ATF6: variants seen among roughly 807,000 people sequenced by gnomAD.
ATF6 encodes cyclic AMP-dependent transcription factor ATF-6 alpha.
A neutral mutation model predicts 83.6 loss-of-function variants in ATF6; 53 were observed. The ratio of observed to expected loss-of-function variants is 0.63; its 90% CI spans 0.51 to 0.80. The LOEUF (loss-of-function observed/expected upper bound fraction) is 0.80. Among genes scored for constraint, ATF6 ranks in the 30% least tolerant of loss-of-function variants. The pLI is 0.00. For synonymous variants in ATF6, 288 were observed against 285.8 expected (o/e 1.01, Z -0.08); for missense variants, 744 against 797.9 (o/e 0.93, Z 0.81).
At chr1:161,935,535 A>G (rs1037153175) in intron 15 of ATF6, among the ~76,000 whole-genome samples, 1 of 152,200 alleles carries the variant, frequency 6.6e-6, no homozygotes, top group African/African-American at 2.4e-5. Flanking sequence ...GGTTTTTATA[A>G]GCCATCCTGT....
At chr1:161,884,678 C>G (rs1687384483) in intron 14 of ATF6, among the ~76,000 whole-genome samples, 1 of 152,116 alleles carries the variant, frequency 6.6e-6, no homozygotes, top group Non-Finnish European at 1.5e-5. Context: ...GCAAAGCAAA[C>G]AAGCCCTTGC....
At chr1:161,848,951 A>G (rs1183485831) in intron 10 of ATF6, among the ~76,000 whole-genome samples, 1 of 151,198 alleles carries the variant, frequency 6.6e-6, no homozygotes, top group Non-Finnish European at 1.5e-5. Context: ...TTTTTTTCCA[A>G]AGAATATTTT....
At chr1:161,782,515 T>G (rs1326128518) in intron 3 of ATF6, among the ~76,000 whole-genome samples, 1 of 152,184 alleles carries the variant, frequency 6.6e-6, no homozygotes, top group Non-Finnish European at 1.5e-5. Context: ...GATGGTAGAA[T>G]GAAGAAAAAT....
chr1:161,899,846 G>A (rs1333278906), intron 14 of ATF6, among the ~76,000 whole-genome samples: 2 of 151,962 alleles, frequency 1.3e-5, no homozygotes, highest in Admixed American at 6.6e-5. Flanking sequence ...TTAGGCACCC[G>A]TCCAGAGTTG....
chr1:161,771,211 C>T (rs1684381746), intron 1 of ATF6, among the ~76,000 whole-genome samples: 1 of 151,462 alleles, frequency 6.6e-6, no homozygotes, highest in Admixed American at 6.6e-5. Flanking sequence ...TTCTTCCCTC[C>T]TCCTCCTCCT....
chr1:161,851,339 T>A (rs1335626222), intron 10 of ATF6, among the ~76,000 whole-genome samples: 2 of 152,092 alleles, frequency 1.3e-5, no homozygotes, highest in African/African-American at 4.8e-5. Flanking sequence ...ACCCCTAAAC[T>A]TTAGTCTGGT....
intron 7 of ATF6, among the ~76,000 whole-genome samples, chr1:161,807,863 ATCTTT>A (rs1685333925): frequency 9.1e-5 from 5 of 54,788 alleles, no homozygotes; most frequent in African/African-American, 3.3e-4. Flanking sequence ...TTAGTTTGTC[ATCTTT>A]TTTTTTTTTT....
intron 6 of ATF6, among the ~76,000 whole-genome samples, chr1:161,794,462 T>G (rs75309567): frequency 0.12 from 18,471 of 152,134 alleles, 1,673 homozygotes; most frequent in East Asian, 0.31. Flanking sequence ...TTTAGTTTTT[T>G]GTTTTTTTGT....
chr1:161,858,758 C>A (rs1480989993), intron 12 of ATF6, among the ~76,000 whole-genome samples: 2 of 152,138 alleles, frequency 1.3e-5, no homozygotes. Context: ...GCTGAAAATG[C>A]AAAAGCTCAT....
chr1:161,777,883 A>G (rs16844014), intron 1 of ATF6, among the ~76,000 whole-genome samples: 18,414 of 152,076 alleles, frequency 0.12, 1,633 homozygotes, highest in East Asian at 0.31. Context: ...TCTACTTTCC[A>G]CAGTTGTCTC....
rs953218102 is a variant in ATF6, at chr1:161,961,632, A to C, written c.*2978A>C. On this transcript the variant is annotated 3_prime_UTR_variant, in exon 16 of 16. Coordinates refer to ENST00000367942, the MANE Select transcript of ATF6 (RefSeq NM_007348.4). ...GGGTTGCAGCCAGAAATTGTGGGTA[A>C]TGTGTGTATTTTTTTATTTATTAAA... The C allele has an allele frequency of 4.6e-5, 7 of 151,118 alleles. No individual in the cohort carries two copies. The highest frequency in any genetic ancestry group is 1.3e-4 in the Admixed American group (2 of 15,156). The allele number at this position is 151,118 out of a possible 1,614,324, so 9.4% of individuals were successfully genotyped here.
intron 10 of ATF6, among the ~76,000 whole-genome samples, chr1:161,847,789 G>A (rs762739234): frequency 2.0e-5 from 3 of 152,178 alleles, no homozygotes; most frequent in Non-Finnish European, 2.9e-5. Context: ...TTGGATTTAC[G>A]AGAGTTGAGA....
At chr1:161,854,252 G>T (rs1236849837) in intron 12 of ATF6, among the ~76,000 whole-genome samples, 1 of 152,158 alleles carries the variant, frequency 6.6e-6, no homozygotes, top group Admixed American at 6.5e-5. Context: ...CACAAAATTT[G>T]ACTTCACTTT....
At chr1:161,847,241 T>A (rs3767636) in intron 10 of ATF6, among the ~76,000 whole-genome samples, 39,785 of 151,820 alleles carry the variant, frequency 0.26, 8,738 homozygotes, top group African/African-American at 0.61. Flanking sequence ...GGTCCTTGAC[T>A]AACAAGGCAA....
chr1:161,852,472 G>A (rs1461904066), intron 11 of ATF6, among the ~76,000 whole-genome samples: 1 of 152,076 alleles, frequency 6.6e-6, no homozygotes, highest in Admixed American at 6.5e-5. Context: ...TCCCAAAAGA[G>A]CATGATTTTC....
intron 15 of ATF6, among the ~76,000 whole-genome samples, chr1:161,916,246 C>CT (rs1247261896): frequency 1.3e-5 from 2 of 152,028 alleles, no homozygotes; most frequent in Admixed American, 6.6e-5. Context: ...ACTATTCCCT[C>CT]TTTTTTTTAG....
At chr1:161,830,303 C>G (rs1241594367) in intron 9 of ATF6, among the ~76,000 whole-genome samples, 1 of 152,100 alleles carries the variant, frequency 6.6e-6, no homozygotes. Context: ...AAAGAGGACA[C>G]AAACAAATGG....
intron 14 of ATF6, among the ~76,000 whole-genome samples, chr1:161,868,101 A>G (rs1223520290): frequency 6.6e-6 from 1 of 152,212 alleles, no homozygotes; most frequent in African/African-American, 2.4e-5. Flanking sequence ...TTCATGGAGA[A>G]TTGGAATAGT....
intron 4 of ATF6, among the ~76,000 whole-genome samples, chr1:161,786,082 C>G (rs1684742247): frequency 7.9e-6 from 1 of 127,310 alleles, no homozygotes; most frequent in Non-Finnish European, 1.6e-5. Context: ...AAGCAATTCT[C>G]CTGCCTCCTC....
Sources: allele counts gnomAD v4.1 joint callset (sites outside exome capture counted in the v4.1 genomes callset), GRCh38; gene constraint gnomAD v4.1.1; transcripts MANE v1.5; gene names NCBI Gene and HGNC (gene_info 2026-07-23, HGNC 2026-07-21).